NDST4: variants seen among roughly 807,000 people sequenced by gnomAD.
NDST4 encodes the protein N-heparan sulfate sulfotransferase 4.
Under a neutral mutation model 100.8 loss-of-function variants are expected in NDST4, and 63 were observed. The observed-to-expected ratio is 0.62, with a 90% CI of 0.51 to 0.77. NDST4 has a LOEUF of 0.77. Ranked by LOEUF, NDST4 falls within the 30% of genes least tolerant of loss-of-function variation. The pLI, the probability that NDST4 is intolerant of heterozygous loss-of-function variation, is 0.00. For synonymous variants in NDST4, 377 were observed against 361.8 expected (o/e 1.04, Z -0.48); for missense variants, 943 against 1,018.4 (o/e 0.93, Z 1.01).
chr4:114,872,656 A>G (rs1724173371), intron 6 of NDST4, among the ~76,000 whole-genome samples: 1 of 152,006 alleles, frequency 6.6e-6, no homozygotes, highest in South Asian at 2.1e-4. Context: ...ACTATGTACT[A>G]AGCAGGATTC....
At chr4:115,103,537 A>G (rs1729777168) in intron 1 of NDST4, among the ~76,000 whole-genome samples, 1 of 152,188 alleles carries the variant, frequency 6.6e-6, no homozygotes, top group African/African-American at 2.4e-5. Flanking sequence ...CTATATATTT[A>G]ATAAACCCTG....
At chr4:114,867,169 C>T (rs1169481696) in intron 7 of NDST4, among the ~76,000 whole-genome samples, 1 of 152,154 alleles carries the variant, frequency 6.6e-6, no homozygotes, top group Non-Finnish European at 1.5e-5. Context: ...TCTTATTCTG[C>T]TCTTACAATC....
chr4:114,883,258 T>C (rs971517103), intron 6 of NDST4, among the ~76,000 whole-genome samples: 2 of 152,016 alleles, frequency 1.3e-5, no homozygotes, highest in African/African-American at 4.8e-5. Context: ...ATTGGGTGAG[T>C]ATAGCATTCA....
chr4:115,108,754 C>T (rs904572083), intron 1 of NDST4, among the ~76,000 whole-genome samples: 4 of 151,870 alleles, frequency 2.6e-5, no homozygotes, highest in Non-Finnish European at 5.9e-5. Flanking sequence ...AAATAAATCT[C>T]CCACCCTATT....
chr4:115,098,247 T>C (rs1004943090), intron 1 of NDST4, among the ~76,000 whole-genome samples: 3 of 152,134 alleles, frequency 2.0e-5, no homozygotes, highest in African/African-American at 7.2e-5. Context: ...GGTAGGTAGG[T>C]AATAGAAGAT....
intron 1 of NDST4, among the ~76,000 whole-genome samples, chr4:115,112,470 G>A (rs930705305): frequency 6.6e-6 from 1 of 151,676 alleles, no homozygotes; most frequent in Non-Finnish European, 1.5e-5. Context: ...AAGGCACCAC[G>A]AAAACAAGCA....
chr4:115,105,362 C>T (rs192837391), intron 1 of NDST4, among the ~76,000 whole-genome samples: 1 of 152,206 alleles, frequency 6.6e-6, no homozygotes. Flanking sequence ...CAAACTTTCA[C>T]TTACTCAAGA....
intron 2 of NDST4, among the ~76,000 whole-genome samples, chr4:115,019,933 A>T (rs1396727744): frequency 6.6e-6 from 1 of 152,090 alleles, no homozygotes; most frequent in Non-Finnish European, 1.5e-5. Flanking sequence ...ATTTCTGTAT[A>T]TTACAAATTA....
intron 2 of NDST4, among the ~76,000 whole-genome samples, chr4:115,060,393 G>C (rs533950): frequency 0.24 from 36,696 of 151,682 alleles, 5,990 homozygotes; most frequent in East Asian, 0.46. Context: ...CATTTTGAGA[G>C]GTCAATGTAG....
At chr4:115,030,317 T>C (rs1728087875) in intron 2 of NDST4, among the ~76,000 whole-genome samples, 1 of 152,144 alleles carries the variant, frequency 6.6e-6, no homozygotes, top group Admixed American at 6.6e-5. Context: ...TCCATTTGAA[T>C]GTATATTATA....
At chr4:115,090,017 C>CT (rs1729484384) in intron 1 of NDST4, among the ~76,000 whole-genome samples, 7 of 151,718 alleles carry the variant, frequency 4.6e-5, no homozygotes, top group Admixed American at 4.6e-4. Flanking sequence ...TCTTCACCAA[C>CT]TTTAAGTGTA....
intron 2 of NDST4, among the ~76,000 whole-genome samples, chr4:114,981,859 C>T (rs933239469): frequency 1.3e-5 from 2 of 152,046 alleles, no homozygotes; most frequent in East Asian, 3.9e-4. Flanking sequence ...TGTCCCAACC[C>T]AAATCTCACA....
chr4:115,105,873 T>A (rs1346459910), intron 1 of NDST4, among the ~76,000 whole-genome samples: 1 of 152,182 alleles, frequency 6.6e-6, no homozygotes. Context: ...TAAAGATAAC[T>A]ATACTGCTCC....
At chr4:115,083,412 A>T (rs1162565403) in intron 1 of NDST4, among the ~76,000 whole-genome samples, 1 of 152,148 alleles carries the variant, frequency 6.6e-6, no homozygotes, top group Non-Finnish European at 1.5e-5. Context: ...GTGAGCTATG[A>T]TTGCACCACT....
chr4:114,933,040 C>A (rs1323260777), intron 6 of NDST4, among the ~76,000 whole-genome samples: 1 of 152,058 alleles, frequency 6.6e-6, no homozygotes, highest in Non-Finnish European at 1.5e-5. Flanking sequence ...AAGAAGAAAG[C>A]TGGAGACATC....
At chr4:114,912,576 T>C (rs1725084019) in intron 6 of NDST4, among the ~76,000 whole-genome samples, 1 of 152,116 alleles carries the variant, frequency 6.6e-6, no homozygotes, top group Non-Finnish European at 1.5e-5. Flanking sequence ...AGGAAGACGG[T>C]AGAATTAAAC....
intron 2 of NDST4, among the ~76,000 whole-genome samples, chr4:114,998,801 G>A (rs530357109): frequency 1.3e-5 from 2 of 152,068 alleles, no homozygotes; most frequent in South Asian, 4.1e-4. Context: ...TTTGGCAAAG[G>A]ACTCTTGCTG....
chr4:114,886,803 T>G (rs768919354), intron 6 of NDST4, among the ~76,000 whole-genome samples: 60 of 152,286 alleles, frequency 3.9e-4, no homozygotes, highest in Admixed American at 1.8e-3. Flanking sequence ...TGGGTTATTC[T>G]GGTCTCCTAA....
chr4:115,094,788 C>T (rs1436519906), intron 1 of NDST4, among the ~76,000 whole-genome samples: 1 of 152,016 alleles, frequency 6.6e-6, no homozygotes, highest in East Asian at 1.9e-4. Context: ...ATGCCACAAG[C>T]CAAGGAACTA....
Sources: gnomAD v4.1 joint callset for allele counts (sites outside exome capture counted in the v4.1 genomes callset) on GRCh38, gnomAD v4.1.1 for gene constraint, MANE v1.5 for transcripts, NCBI Gene and HGNC (gene_info 2026-07-23, HGNC 2026-07-21) for gene names.